FBXO16: variants seen among roughly 807,000 people sequenced by gnomAD.
The protein encoded by FBXO16 is F-box protein 16.
FBXO16 carries 31 observed loss-of-function variants against 41.0 expected under a neutral mutation model. The observed-to-expected ratio is 0.76, with a 90% CI of 0.57 to 1.02. The LOEUF is 1.02. Among genes scored for constraint, FBXO16 ranks in the 50% least tolerant of loss-of-function variants. The probability of loss-of-function intolerance (pLI) is 0.00; values close to 1 mark genes in which losing one functional copy is unlikely to be tolerated. For missense variants in FBXO16, 361 were observed against 346.2 expected, an observed-to-expected ratio of 1.04 and a Z score of -0.34; for synonymous variants, 133 against 117.8, an observed-to-expected ratio of 1.13 and a Z score of -0.84.
rs575878933 is a variant in FBXO16, at chr8:28,462,568, G to A, written c.342+1044C>T. 1.8e-4 allele frequency among the ~76,000 whole-genome samples: 27 copies of A among 152,114 alleles called. No homozygotes were observed. In the South Asian group the frequency reaches 5.0e-3, roughly 28 times the overall value. ...GCTGGGATTACAGGCGTGAGCCACC[G>A]CGCCCGGCCCCGCATTCATTTTCTT... On this transcript the variant is annotated intron_variant, in intron 4 of 8. Transcript: ENST00000380254.
chr8:28,468,388 C>A (rs996323630), intron 3 of FBXO16, among the ~76,000 whole-genome samples: 1 of 152,154 alleles, frequency 6.6e-6, no homozygotes, highest in Non-Finnish European at 1.5e-5. Context: ...CCACCTCACA[C>A]TGAATGGCAA....
chr8:28,463,855 C>T (rs768842022), intron 3 of FBXO16, 37 bp from the exon 4 acceptor site: 2 of 1,591,980 alleles, frequency 1.3e-6, no homozygotes, highest in South Asian at 1.1e-5. Context: ...TAAAAAGCTC[C>T]AGGTTTAGTC....
In FBXO16 at chr8:28,452,470, G is replaced by C. The variant is rs752423663; in HGVS notation, c.514C>G (p.Pro172Ala). 5.0e-6 allele frequency: 8 copies of C among 1,613,602 alleles called. No homozygotes were observed. The highest frequency in any genetic ancestry group is 2.2e-5 in the South Asian group (2 of 91,058). ...TCAGCGATTACAAATCCATCCTTTG[G>C]GGGTGTCTAGAAGAAGAAAGTTAAT... ...ELHITKPKTPPKDGFVIADVQ... is the reference protein window; with the variant it reads ...ELHITKPKTPAKDGFVIADVQ... Residue 172 changes from proline to alanine, a missense_variant, in exon 6 of 9, where the codon CCA (proline) becomes GCA (alanine). Transcript: ENST00000380254.
chr8:28,436,592 G>C (rs1802690523), intron 7 of FBXO16, among the ~76,000 whole-genome samples: 1 of 152,152 alleles, frequency 6.6e-6, no homozygotes, highest in Non-Finnish European at 1.5e-5. Context: ...GGTGAAATAG[G>C]TAGGGATGGT....
intron 5 of FBXO16, among the ~76,000 whole-genome samples, chr8:28,454,460 G>T (rs1803004767): frequency 6.6e-6 from 1 of 151,642 alleles, no homozygotes; most frequent in African/African-American, 2.4e-5. Context: ...CGGGCGCGGT[G>T]GCTGAAGCCT....
chr8:28,446,643 A>G (rs1802868716), intron 7 of FBXO16, among the ~76,000 whole-genome samples: 1 of 151,762 alleles, frequency 6.6e-6, no homozygotes, highest in Non-Finnish European at 1.5e-5. Flanking sequence ...AGGCCGAGGC[A>G]GGTGGATCAC....
At chr8:28,432,020 G>C (rs550501264) in intron 7 of FBXO16, among the ~76,000 whole-genome samples, 50 of 151,902 alleles carry the variant, frequency 3.3e-4, no homozygotes, top group African/African-American at 1.2e-3. Context: ...AGCAAACGTA[G>C]ACATAAAACG....
intron 6 of FBXO16, among the ~76,000 whole-genome samples, chr8:28,451,647 C>T (rs1802954953): frequency 6.6e-6 from 1 of 151,760 alleles, no homozygotes; most frequent in East Asian, 1.9e-4. Flanking sequence ...AGAATAAAGG[C>T]TAGAATGAAC....
intron 7 of FBXO16, among the ~76,000 whole-genome samples, chr8:28,439,094 CAAAAA>C (rs57234757): frequency 1.6e-5 from 2 of 123,592 alleles, no homozygotes. Context: ...GAACCTGTCT[CAAAAA>C]AAAAAAAAAA....
At chr8:28,485,469 G>A (rs1244937617) in intron 1 of FBXO16, among the ~76,000 whole-genome samples, 2 of 152,142 alleles carry the variant, frequency 1.3e-5, no homozygotes, top group African/African-American at 4.8e-5. Context: ...CACTGTGCCC[G>A]ACCTTTGATA....
At chr8:28,486,425 T>C (rs1016200951) in intron 1 of FBXO16, among the ~76,000 whole-genome samples, 12 of 152,042 alleles carry the variant, frequency 7.9e-5, no homozygotes, top group African/African-American at 2.7e-4. Context: ...GGTTTCACCA[T>C]GTTGGTCAGG....
At chr8:28,465,337 A>G in intron 3 of FBXO16, 1 of 439,240 alleles carries the variant, frequency 2.3e-6, no homozygotes, top group South Asian at 1.6e-5. Flanking sequence ...AGAAAGGAGA[A>G]ATAGGCCCCG....
At position 28,436,421 on chromosome 8, in the gene FBXO16, G is replaced by A. The variant is rs144430775; in HGVS notation, c.844-7018C>T. On this transcript the variant is annotated intron_variant, in intron 7 of 8. Transcript: ENST00000380254. ...AAGGTGTTAGAAAGAAATAACCAAC[G>A]CAGTTTTAAAGAATCCACAGGCCTG... Among the ~76,000 whole-genome samples the A allele has an allele frequency of 3.9e-5, 6 of 152,280 alleles. No homozygotes were observed. In the East Asian group the frequency reaches 9.6e-4, roughly 24 times the overall value.
intron 8 of FBXO16, among the ~76,000 whole-genome samples, 177 bp downstream of exon 8, chr8:28,429,201 A>C (rs1351215384): frequency 1.3e-5 from 2 of 152,136 alleles, no homozygotes; most frequent in African/African-American, 2.4e-5. Context: ...TATGTTGCCC[A>C]GGCTGGTCTT....
intron 7 of FBXO16, among the ~76,000 whole-genome samples, chr8:28,446,324 C>T (rs1442507810): frequency 1.3e-5 from 2 of 151,208 alleles, no homozygotes; most frequent in Non-Finnish European, 2.9e-5. Context: ...AGGCATGTGC[C>T]ACCACGCCCA....
In FBXO16 at chr8:28,432,035, T is replaced by C. The variant is rs148226996; in HGVS notation, c.844-2632A>G. On this transcript the variant is annotated intron_variant, in intron 7 of 8. Transcript: ENST00000380254. Reference sequence around the variant, plus strand: ...AGCAAACGTAGACATAAAACGCAAATGTACTGTCCCCCTTTCCTTTTTCAC... The same window carrying C: ...AGCAAACGTAGACATAAAACGCAAACGTACTGTCCCCCTTTCCTTTTTCAC... 1.6e-4 allele frequency among the ~76,000 whole-genome samples: 24 copies of C among 152,092 alleles called. 1 individual carries two copies. The highest frequency in any genetic ancestry group is 5.8e-4 in the African/African-American group (24 of 41,448).
At chr8:28,462,188 C>T (rs1303181394) in intron 4 of FBXO16, among the ~76,000 whole-genome samples, 1 of 152,126 alleles carries the variant, frequency 6.6e-6, no homozygotes, top group Non-Finnish European at 1.5e-5. Context: ...AATCCTCCCA[C>T]CTTGGCCTCC....
At chr8:28,460,831 C>T (rs1803122202) in intron 4 of FBXO16, among the ~76,000 whole-genome samples, 1 of 152,078 alleles carries the variant, frequency 6.6e-6, no homozygotes, top group Non-Finnish European at 1.5e-5. Flanking sequence ...ACCTCCTGGG[C>T]TCCAGCAATC....
chr8:28,481,980 C>T (rs1487529819), intron 2 of FBXO16, among the ~76,000 whole-genome samples: 1 of 152,108 alleles, frequency 6.6e-6, no homozygotes, highest in African/African-American at 2.4e-5. Context: ...GCCCTGGGCT[C>T]ACTGTTCCTC....
Sources: gnomAD v4.1 joint callset for allele counts (sites outside exome capture counted in the v4.1 genomes callset) on GRCh38, gnomAD v4.1.1 for gene constraint, MANE v1.5 for transcripts, NCBI Gene and HGNC (gene_info 2026-07-23, HGNC 2026-07-21) for gene names.